Variants in TASOR observed in about 807,000 individuals in gnomAD.
TASOR encodes protein TASOR.
Under a neutral mutation model 178.6 loss-of-function variants are expected in TASOR, and 53 were observed. The observed-to-expected ratio is 0.30, with a 90% confidence interval of 0.24 to 0.37. The LOEUF (loss-of-function observed/expected upper bound fraction) is 0.37. Ranked by LOEUF, TASOR falls within the 10% of genes least tolerant of loss-of-function variation. TASOR has a pLI of 1.00. For missense variants in TASOR, 1,815 were observed against 1,971.4 expected, an observed-to-expected ratio of 0.92 and a Z score of 1.50; for synonymous variants, 713 against 696.2, an observed-to-expected ratio of 1.02 and a Z score of -0.38.
Position 56,623,164 on chromosome 3 carries a change from C to T in TASOR, c.4886G>A (p.Ser1629Asn), listed in dbSNP as rs755509938. 1 of 1,613,644 alleles carries T rather than the reference C, an allele frequency of 6.2e-7. No homozygotes were observed. Among genetic ancestry groups the T allele is most frequent in the African/African-American group, 1.3e-5 (1 of 74,858 alleles). The change falls in exon 24 of 24, where the codon AGT (serine) becomes AAT (asparagine). Residue 1629 changes from serine to asparagine, a missense_variant. This residue lies in a region of TASOR where 278 missense variants were observed against 257.1 expected (regional missense o/e 1.08). Transcript: ENST00000683822. ...FLGTPYALSS[S>N]QSQENENYFL... is the part of the protein sequence containing the mutation. Reference sequence around the variant, plus strand: ...GTAATTCTCATTTTCTTGAGACTGACTTGATGAAAGGGCATATGGTGTCCC... The same window carrying T: ...GTAATTCTCATTTTCTTGAGACTGATTTGATGAAAGGGCATATGGTGTCCC...
At chr3:56,654,733 T>C (rs116644966) in intron 11 of TASOR, among the ~76,000 whole-genome samples, 1,873 of 152,270 alleles carry the variant, frequency 0.012, 47 homozygotes, top group African/African-American at 0.042. Context: ...ATTCCTCCTG[T>C]CTGTCTTCCA....
At chr3:56,629,361 A>G (rs1408888823) in intron 18 of TASOR, among the ~76,000 whole-genome samples, 3 of 152,158 alleles carry the variant, frequency 2.0e-5, no homozygotes, top group African/African-American at 7.2e-5. Flanking sequence ...ACCACTCCCT[A>G]GCTCACCTTT....
chr3:56,665,350 T>TTTGTTG lies in TASOR; in HGVS notation c.1022+904_1022+909dup, dbSNP rs758949224. Among the ~76,000 whole-genome samples the TTTGTTG allele has an allele frequency of 3.5e-3, 535 of 152,130 alleles. 3 individuals are homozygous for TTTGTTG. The highest frequency in any genetic ancestry group is 5.1e-3 in the Non-Finnish European group (349 of 68,002). ...GTGCTAATACACAAAATCTCACTTT[T>TTTGTTG]TTGTTGTTGTTGTTGTTTAAATACA... On this transcript the variant is annotated intron_variant, in intron 7 of 23. Transcript: ENST00000683822.
intron 2 of TASOR, 121 bp downstream of exon 2, chr3:56,673,452 AAAAAAAC>A: frequency 1.5e-6 from 1 of 688,600 alleles, no homozygotes. Flanking sequence ...AAAAAAAAAA[AAAAAAAC>A]TTGTTTTCCC....
rs1279284861 is a variant in TASOR at position 56,620,928 on chromosome 3, A to C, written c.*2109T>G. 1 of 152,608 alleles carries C rather than the reference A, an allele frequency of 6.6e-6. No individual in the cohort carries two copies. Among genetic ancestry groups the C allele is most frequent in the African/African-American group, 2.4e-5 (1 of 41,418 alleles). The allele number at this position is 152,608 out of a possible 1,614,324, so 9.5% of individuals were successfully genotyped here. A position where few individuals can be genotyped will look rare whatever the true frequency, so the allele number is the denominator to read the frequency against. ...AGCACTTTGGGAGGCTGAGGCAGGC[A>C]GATCATGAGGTCAGGAGATCAAGAC... On this transcript the variant is annotated 3_prime_UTR_variant, in exon 24 of 24. Coordinates refer to ENST00000683822, the MANE Select transcript of TASOR (RefSeq NM_001365635.2).
rs956522240 is a variant in TASOR, at chr3:56,682,873, C to A, written c.134G>T (p.Gly45Val). 18 of 1,542,850 alleles carry A rather than the reference C, an allele frequency of 1.2e-5. No individual in the cohort carries two copies. The African/African-American group carries it at 2.3e-4, about 20-fold the overall frequency. ...ESSQQNGGGG[G>V]LNIAEPSGGA... ...GCCGCTGGGCTCAGCGATGTTGAGG[C>A]CGCCGCCGCCGCCATTTTGTTGGGA... is the stretch of plus-strand genomic sequence containing the variant. Residue 45 changes from glycine to valine, a missense_variant, in exon 1 of 24, where the codon GGC (glycine) becomes GTC (valine). Physicochemically the swap from Gly to Val is moderately radical, Grantham distance 109. This residue lies in a region of TASOR where 244 missense variants were observed against 202.7 expected (regional missense o/e 1.20). Transcript: ENST00000683822.
At chr3:56,641,891 C>T (rs966744937) in intron 14 of TASOR, 139 bp from the exon 15 acceptor site, 12 of 790,692 alleles carry the variant, frequency 1.5e-5, no homozygotes, top group Admixed American at 6.8e-5. Flanking sequence ...TACAAATATT[C>T]GCATCACTTT....
Position 56,682,973 on chromosome 3 carries a change from G to A in TASOR, c.34C>T (p.Pro12Ser), listed in dbSNP as rs2031941540. 7 of 1,549,138 alleles carry A rather than the reference G, an allele frequency of 4.5e-6. No homozygotes were observed. The highest frequency in any genetic ancestry group is 2.4e-5 in the East Asian group (1 of 40,874). The change falls in exon 1 of 24, where the codon CCG becomes TCG. Residue 12 changes from proline to serine, a missense_variant. Pro to Ser is a moderately conservative substitution (Grantham distance 74). Transcript: ENST00000683822. ...CCACTTTCCCAACTCGCATCCGTCG[G>A]CTGACAGGCCTCCGTCTCCACAGCA... The part of the protein sequence containing the change: ...ATAVETEACQ[P>S]TDASWESGGG...
intron 17 of TASOR, 155 bp from the exon 18 acceptor site, chr3:56,634,121 C>T: frequency 1.5e-6 from 1 of 658,528 alleles, no homozygotes; most frequent in Non-Finnish European, 2.5e-6. Flanking sequence ...GGTATGAATT[C>T]TATTCCCTAT....
At chr3:56,666,153 A>T (rs1053353221) in intron 7 of TASOR, 107 bp downstream of exon 7, 7 of 70,926 alleles carry the variant, frequency 9.9e-5, no homozygotes, top group Admixed American at 9.5e-4. Flanking sequence ...AAGGGAAGTT[A>T]AAAAAAAAAA....
intron 18 of TASOR, 60 bp from the exon 19 acceptor site, chr3:56,628,674 C>A: frequency 8.6e-7 from 1 of 1,167,356 alleles, no homozygotes; most frequent in Non-Finnish European, 1.2e-6. Context: ...ATCAATTTAA[C>A]ACCAGAAATG....
chr3:56,647,701 G>A (rs895250000), intron 13 of TASOR, among the ~76,000 whole-genome samples: 34 of 152,108 alleles, frequency 2.2e-4, no homozygotes, highest in Admixed American at 3.3e-4. Context: ...ATCCAACAGT[G>A]AAATAAAGCC....
At position 56,624,615 on chromosome 3, in the gene TASOR, A is replaced by G. The variant is rs2076759062; in HGVS notation, c.4347T>C (p.Tyr1449=). The change falls in exon 23 of 24, where the codon TAT becomes TAC. Residue 1449 remains tyrosine (Y), a synonymous_variant. Transcript: ENST00000683822. ...TEKNIKMLSS[Y]TDNGIVVATA... ...TTGCAACCACTATTCCATTATCTGT[A>G]TAACTGGAAAGCATCTTGATGTTCT... The G allele has an allele frequency of 1.2e-6, 2 of 1,613,262 alleles. No homozygotes were observed. Among genetic ancestry groups the G allele is most frequent in the Non-Finnish European group, 1.7e-6 (2 of 1,179,794 alleles).
At position 56,628,537 on chromosome 3, in the gene TASOR, T is replaced by A. The variant is rs747228991; in HGVS notation, c.3825A>T (p.Leu1275=). The change falls in exon 19 of 24, where the codon CTA becomes CTT. Residue 1275 remains leucine (L), a synonymous_variant. Coordinates refer to ENST00000683822, the MANE Select transcript of TASOR (RefSeq NM_001365635.2). ...TGTCTTCATTTTGAATAATAATCAA[T>A]AGTTTATCTAATTTTGATCTTCTTT... ...FLERRSKLDK[L]LIIIQNEDIA... The A allele has an allele frequency of 1.3e-6, 2 of 1,599,484 alleles. No homozygotes were observed. Among genetic ancestry groups the A allele is most frequent in the Non-Finnish European group, 1.7e-6 (2 of 1,168,638 alleles).
chr3:56,670,485 T>G (rs778466338), intron 3 of TASOR, among the ~76,000 whole-genome samples: 4 of 152,204 alleles, frequency 2.6e-5, no homozygotes, highest in Non-Finnish European at 5.9e-5. Context: ...GAACTACAAG[T>G]GCTCACCACC....
chr3:56,660,529 T>C (rs1298922024), intron 11 of TASOR, among the ~76,000 whole-genome samples: 5 of 148,600 alleles, frequency 3.4e-5, no homozygotes, highest in African/African-American at 4.9e-5. Flanking sequence ...TGGGAAAGAC[T>C]GGTTTGCACA....
At chr3:56,682,529 G>A in intron 1 of TASOR, 147 bp downstream of exon 1, 2 of 696,400 alleles carry the variant, frequency 2.9e-6, no homozygotes, top group Non-Finnish European at 2.1e-6. Context: ...GCGGCAGCTG[G>A]GCGGCCGTGG....
In TASOR at chr3:56,646,939, T is replaced by C. The variant is rs1324089608; in HGVS notation, c.1798A>G (p.Thr600Ala). Residue 600 changes from threonine to alanine, a missense_variant, in exon 14 of 24, where the codon ACT becomes GCT. Around this residue, in one of 5 missense-constraint regions of TASOR, gnomAD observed 504 missense variants for 645.3 expected, o/e 0.78. Coordinates refer to ENST00000683822, the MANE Select transcript of TASOR (RefSeq NM_001365635.2). ...CGAAAAATATAGGCATGCAAACAAG[T>C]ATCAATATGGGATTTATTTCTGGGA... The part of the protein sequence containing the change: ...SAPRNKSHID[T>A]CLHAYIFRPE... 3 of 1,612,054 alleles carry C rather than the reference T, an allele frequency of 1.9e-6. No homozygotes were observed. The highest frequency in any genetic ancestry group is 2.2e-5 in the East Asian group (1 of 44,862).
chr3:56,658,400 T>C lies in TASOR; in HGVS notation c.1368+2331A>G, dbSNP rs564571383. On this transcript the variant is annotated intron_variant, in intron 11 of 23. Transcript: ENST00000683822. ...TTGTAATTTTCTGATAAACCCCTCA[T>C]TGTCCGAATTCTCAATACTCACTCT... 4.6e-5 allele frequency among the ~76,000 whole-genome samples: 7 copies of C among 152,312 alleles called. No homozygotes were observed. In the East Asian group the frequency reaches 9.6e-4, roughly 21 times the overall value.
Sources: allele counts gnomAD v4.1 joint callset (sites outside exome capture counted in the v4.1 genomes callset), GRCh38; gene constraint gnomAD v4.1.1; regional missense constraint gnomAD v4.1.1; transcripts MANE v1.5; gene names NCBI Gene and HGNC (gene_info 2026-07-23, HGNC 2026-07-21).